The following BCR variants were observed in gnomAD, a reference collection of about 807,000 sequenced individuals.
BCR encodes breakpoint cluster region protein.
BCR carries 58 observed loss-of-function variants against 138.6 expected under a neutral mutation model. The ratio of observed to expected loss-of-function variants is 0.42; its 90% CI spans 0.34 to 0.52. The LOEUF (loss-of-function observed/expected upper bound fraction) is 0.52, where lower values mean the gene tolerates loss of function less well. Among genes scored for constraint, BCR ranks in the 20% least tolerant of loss-of-function variants. The pLI is 0.06. For synonymous variants in BCR, 786 were observed against 730.1 expected (o/e 1.08, Z -1.23); for missense variants, 1,599 against 1,727.2 (o/e 0.93, Z 1.32).
chr22:23,185,299 G>A (rs577803034), intron 1 of BCR, among the ~76,000 whole-genome samples: 5 of 152,304 alleles, frequency 3.3e-5, no homozygotes, highest in Admixed American at 6.5e-5. Flanking sequence ...GGTTCAGGGC[G>A]TCCTTCCAGT....
At chr22:23,218,259 C>G (rs923814123) in intron 1 of BCR, among the ~76,000 whole-genome samples, 1 of 152,210 alleles carries the variant, frequency 6.6e-6, no homozygotes, top group Non-Finnish European at 1.5e-5. Flanking sequence ...GGGTAAGCAT[C>G]TGGGGCATGT....
At chr22:23,283,869 G>A in intron 8 of BCR, 108 bp from the exon 9 acceptor site, 2 of 1,385,670 alleles carry the variant, frequency 1.4e-6, no homozygotes, top group Non-Finnish European at 1.9e-6. Flanking sequence ...ATCTTCCCAG[G>A]GAGAGAATGT....
chr22:23,249,979 G>A (rs118119551), intron 1 of BCR, among the ~76,000 whole-genome samples: 1 of 152,220 alleles, frequency 6.6e-6, no homozygotes, highest in East Asian at 1.9e-4. Context: ...GAGTCTGGCC[G>A]TGAGACCTAG....
intron 8 of BCR, among the ~76,000 whole-genome samples, chr22:23,276,679 C>T (rs2073580680): frequency 6.6e-6 from 1 of 152,200 alleles, no homozygotes. Flanking sequence ...TGTGCTTTGC[C>T]CCTGCCCCTG....
intron 1 of BCR, among the ~76,000 whole-genome samples, chr22:23,201,628 T>G (rs1219894513): frequency 1.3e-5 from 2 of 152,114 alleles, no homozygotes; most frequent in African/African-American, 4.8e-5. Context: ...CGGCTAATTT[T>G]TTGTATTTTT....
chr22:23,185,707 G>T (rs2072332426), intron 1 of BCR, among the ~76,000 whole-genome samples: 1 of 149,796 alleles, frequency 6.7e-6, no homozygotes, highest in Non-Finnish European at 1.5e-5. Flanking sequence ...CAGAAGGAGA[G>T]TGTGGTTCTC....
chr22:23,186,241 G>T lies in BCR; in HGVS notation c.1279+4002G>T, dbSNP rs117147480. On this transcript the variant is annotated intron_variant, in intron 1 of 22. Transcript: ENST00000305877. Reference sequence around the variant, plus strand: ...CAAAGGCCTGGGGCCACCCACGTCTGCCTTGTGATTCTAGGCTGTGTGCTT... The same window carrying T: ...CAAAGGCCTGGGGCCACCCACGTCTTCCTTGTGATTCTAGGCTGTGTGCTT... Among the ~76,000 whole-genome samples, 730 of 152,344 alleles carry T rather than the reference G, an allele frequency of 4.8e-3. 4 individuals are homozygous for T. Among genetic ancestry groups the T allele is most frequent in the Non-Finnish European group, 6.8e-3 (463 of 68,032 alleles).
At chr22:23,202,647 T>C (rs1433448598) in intron 1 of BCR, among the ~76,000 whole-genome samples, 1 of 152,186 alleles carries the variant, frequency 6.6e-6, no homozygotes, top group African/African-American at 2.4e-5. Flanking sequence ...TCACATCATG[T>C]CCTCAAAGTT....
At chr22:23,224,884 C>A (rs6003577) in intron 1 of BCR, among the ~76,000 whole-genome samples, 3 of 152,062 alleles carry the variant, frequency 2.0e-5, no homozygotes, top group Non-Finnish European at 2.9e-5. Context: ...TCCATCCCCC[C>A]CAAAAAAACA....
chr22:23,247,506 CAG>C (rs1379243965), intron 1 of BCR, among the ~76,000 whole-genome samples: 3 of 152,138 alleles, frequency 2.0e-5, no homozygotes. Flanking sequence ...AGGGAGGGCC[CAG>C]AGCATGACCT....
In BCR at chr22:23,181,059, G is replaced by A; in HGVS notation, c.99G>A (p.Gln33=). 1 of 1,521,196 alleles carries A rather than the reference G, an allele frequency of 6.6e-7. No individual in the cohort carries two copies. Among genetic ancestry groups the A allele is most frequent in the Non-Finnish European group, 8.9e-7 (1 of 1,129,144 alleles). 94.2% of individuals were successfully genotyped at this position (1,521,196 alleles called of 1,614,324 possible). ...TGCGCTCAGTGGGCGACATCGAGCAGGAGCTGGAGCGCTGCAAGGCCTCCA... is the reference window on the plus strand; with the variant it reads ...TGCGCTCAGTGGGCGACATCGAGCAAGAGCTGGAGCGCTGCAAGGCCTCCA... The part of the protein sequence containing the change: ...MELRSVGDIE[Q]ELERCKASIR... Residue 33 remains glutamine, a synonymous_variant, in exon 1 of 23, where the codon CAG becomes CAA. Coordinates refer to ENST00000305877, the MANE Select transcript of BCR (RefSeq NM_004327.4).
intron 13 of BCR, chr22:23,290,031 T>G (rs553677310): frequency 1.6e-3 from 862 of 524,466 alleles, no homozygotes; most frequent in Non-Finnish European, 2.7e-3. Context: ...CAGCATACGC[T>G]ATGCACATGT....
Position 23,315,825 on chromosome 22 carries a change from T to C in BCR, c.*303T>C. On this transcript the variant is annotated 3_prime_UTR_variant, in exon 23 of 23. Coordinates refer to ENST00000305877, the MANE Select transcript of BCR (RefSeq NM_004327.4). ...GAGACAGGGTGAAGGGAGTGGTTTT[T>C]ATGAACTTAACTTAGAGTCTAAAAG... 1 of 469,226 alleles carries C rather than the reference T, an allele frequency of 2.1e-6. No homozygotes were observed. Among genetic ancestry groups the C allele is most frequent in the South Asian group, 2.0e-5 (1 of 50,314 alleles). 29.1% of individuals were successfully genotyped at this position (469,226 alleles called of 1,614,324 possible).
chr22:23,196,363 C>T (rs1009787290), intron 1 of BCR, among the ~76,000 whole-genome samples: 10 of 152,018 alleles, frequency 6.6e-5, no homozygotes, highest in Admixed American at 2.0e-4. Flanking sequence ...AGGCAGGTGG[C>T]GAGACTCTGT....
At chr22:23,237,143 G>C (rs540391459) in intron 1 of BCR, among the ~76,000 whole-genome samples, 4 of 152,338 alleles carry the variant, frequency 2.6e-5, no homozygotes, top group African/African-American at 9.6e-5. Flanking sequence ...CGCCGCCCCT[G>C]TTTGTGAGTT....
At chr22:23,250,719 G>T (rs1299200423) in intron 1 of BCR, among the ~76,000 whole-genome samples, 1 of 152,160 alleles carries the variant, frequency 6.6e-6, no homozygotes, top group Non-Finnish European at 1.5e-5. Context: ...TTTATCCATT[G>T]TCTAGTTCAC....
chr22:23,224,612 T>C (rs2072866248), intron 1 of BCR, among the ~76,000 whole-genome samples: 1 of 152,184 alleles, frequency 6.6e-6, no homozygotes, highest in South Asian at 2.1e-4. Flanking sequence ...CCGGGGGCTG[T>C]AGCTCACGCC....
At chr22:23,226,325 AGAGTGTGTGT>A (rs926725410) in intron 1 of BCR, among the ~76,000 whole-genome samples, 34 of 50,466 alleles carry the variant, frequency 6.7e-4, no homozygotes, top group African/African-American at 1.7e-3. Context: ...AGAGAGAGAG[AGAGTGTGTGT>A]GTGTGTGTGT....
intron 1 of BCR, among the ~76,000 whole-genome samples, chr22:23,223,477 A>G (rs936603287): frequency 1.3e-5 from 2 of 152,062 alleles, no homozygotes; most frequent in African/African-American, 4.8e-5. Context: ...ACTCCCTCCT[A>G]TGGTGCCTCT....
Sources: gnomAD v4.1 joint callset for allele counts (sites outside exome capture counted in the v4.1 genomes callset) on GRCh38, gnomAD v4.1.1 for gene constraint, MANE v1.5 for transcripts, NCBI Gene and HGNC (gene_info 2026-07-23, HGNC 2026-07-21) for gene names.